AKAP9: variants seen among roughly 807,000 people sequenced by gnomAD.
AKAP9 encodes the protein A-kinase anchoring protein 9.
In AKAP9, 311 loss-of-function variants were observed where a neutral mutation model predicts 488.5. The observed-to-expected ratio is 0.64, with a 90% CI of 0.58 to 0.70. The LOEUF (loss-of-function observed/expected upper bound fraction) is 0.70, where lower values mean the gene tolerates loss of function less well. Among genes scored for constraint, AKAP9 ranks in the 30% least tolerant of loss-of-function variants. The pLI, the probability that AKAP9 is intolerant of heterozygous loss-of-function variation, is 0.00. For synonymous variants in AKAP9, 1,462 were observed against 1,483.5 expected, an observed-to-expected ratio of 0.99 and a Z score of 0.33; for missense variants, 4,215 against 4,374.5, an observed-to-expected ratio of 0.96 and a Z score of 1.03.
At chr7:92,064,194 G>A (rs1446000050) in intron 24 of AKAP9, among the ~76,000 whole-genome samples, 4 of 151,988 alleles carry the variant, frequency 2.6e-5, no homozygotes, top group Non-Finnish European at 4.4e-5. Flanking sequence ...GTAGCAAAAG[G>A]ATCAGTGAAA....
At chr7:92,081,767 C>T (rs1036804459) in intron 31 of AKAP9, among the ~76,000 whole-genome samples, 1 of 151,608 alleles carries the variant, frequency 6.6e-6, no homozygotes, top group South Asian at 2.1e-4. Context: ...AGGACAAGAG[C>T]TTTTTTTTCC....
Position 91,994,742 on chromosome 7 carries a change from AAC to A in AKAP9, c.700_701del (p.Gln234GlufsTer14), listed in dbSNP as rs1388047336. On this transcript the variant is annotated frameshift_variant, in exon 6 of 50. Coordinates refer to ENST00000356239, the MANE Select transcript of AKAP9 (RefSeq NM_005751.5). LOFTEE classifies it high-confidence loss of function. ...ATGAGAGAATTTTTAGAGTTGACAG[AAC>A]AGAGTCAAAAATTACAGATTCAATT... 1.2e-6 allele frequency: 2 copies of A among 1,612,114 alleles called. No individual in the cohort carries two copies. Among genetic ancestry groups the A allele is most frequent in the African/African-American group, 1.3e-5 (1 of 74,902 alleles).
intron 1 of AKAP9, among the ~76,000 whole-genome samples, chr7:91,943,358 CAAA>C (rs1276083315): frequency 6.6e-6 from 1 of 152,148 alleles, no homozygotes; most frequent in African/African-American, 2.4e-5. Flanking sequence ...AGGGCATTAT[CAAA>C]AATAGTATGT....
chr7:92,069,935 G>T, intron 26 of AKAP9, 95 bp from the exon 27 acceptor site: 5 of 1,118,044 alleles, frequency 4.5e-6, no homozygotes, highest in Non-Finnish European at 6.5e-6. Context: ...GAGCATTTTG[G>T]ATTGTAGATA....
intron 2 of AKAP9, among the ~76,000 whole-genome samples, chr7:91,978,835 C>G (rs1796027926): frequency 6.6e-6 from 1 of 151,706 alleles, no homozygotes; most frequent in African/African-American, 2.4e-5. Flanking sequence ...TGGTTCACCA[C>G]AAGCTCTCCC....
chr7:92,027,624 CCG>C (rs1803514834), intron 14 of AKAP9, among the ~76,000 whole-genome samples: 3 of 122,418 alleles, frequency 2.5e-5, no homozygotes, highest in African/African-American at 9.8e-5. Flanking sequence ...CCTGGCCGCC[CCG>C]TCTGGGATGT....
intron 8 of AKAP9, among the ~76,000 whole-genome samples, chr7:92,009,145 GC>G (rs769281381): frequency 4.6e-4 from 70 of 151,922 alleles, no homozygotes; most frequent in Non-Finnish European, 8.8e-4. Flanking sequence ...ATAGCAAGAT[GC>G]CTGTCTCCAC....
chr7:92,008,989 A>AG (rs1230858557), intron 8 of AKAP9, among the ~76,000 whole-genome samples: 1 of 151,652 alleles, frequency 6.6e-6, no homozygotes, highest in African/African-American at 2.4e-5. Flanking sequence ...CATTTAAAAA[A>AG]AAAAAAAAAA....
chr7:91,972,033 A>T (rs1018336749), intron 1 of AKAP9, among the ~76,000 whole-genome samples: 1 of 128,362 alleles, frequency 7.8e-6, no homozygotes, highest in South Asian at 2.3e-4. Flanking sequence ...TTTCAGTACT[A>T]CATAATATAA....
rs77447750 is a variant in AKAP9 at position 92,110,149 on chromosome 7, T to C, written c.11714T>C (p.Met3905Thr). 1.8e-4 allele frequency: 283 copies of C among 1,601,360 alleles called. No homozygotes were observed. The East Asian group carries it at 4.7e-3, about 27-fold the overall frequency. ...TCAACTACTCAATTTCATGCTGGCA[T>C]GAGAAGATAATCCTTTGAAACATCA... is the stretch of plus-strand genomic sequence containing the variant. ...SGSTTQFHAG[M>T]RR Residue 3905 changes from methionine (M) to threonine (T), a missense_variant, in exon 50 of 50, where the codon ATG (methionine) becomes ACG (threonine). Met to Thr is a moderately conservative substitution (Grantham distance 81, BLOSUM62 -1). Coordinates refer to ENST00000356239, the MANE Select transcript of AKAP9 (RefSeq NM_005751.5).
At chr7:92,072,832 T>C (rs1277111002) in intron 28 of AKAP9, among the ~76,000 whole-genome samples, 1 of 152,204 alleles carries the variant, frequency 6.6e-6, no homozygotes, top group East Asian at 1.9e-4. Flanking sequence ...GTACTAAGTA[T>C]TTAAATGCCC....
At chr7:92,052,620 A>C in intron 21 of AKAP9, 106 bp from the exon 22 acceptor site, 1 of 759,390 alleles carries the variant, frequency 1.3e-6, no homozygotes, top group South Asian at 1.9e-5. Flanking sequence ...GTTTTAAAAG[A>C]CCTTACAATT....
intron 7 of AKAP9, among the ~76,000 whole-genome samples, chr7:91,996,919 G>A (rs116825570): frequency 5.1e-4 from 77 of 152,196 alleles, no homozygotes; most frequent in African/African-American, 1.8e-3. Context: ...CATCACCATA[G>A]GCCTGTGCAA....
In AKAP9 at chr7:91,973,803, T is replaced by C. The variant is rs1447616097; in HGVS notation, c.141T>C (p.His47=). 1 of 1,614,124 alleles carries C rather than the reference T, an allele frequency of 6.2e-7. No homozygotes were observed. Among genetic ancestry groups the C allele is most frequent in the South Asian group, 1.1e-5 (1 of 91,070 alleles). Residue 47 remains histidine (H), a synonymous_variant, in exon 2 of 50, where the codon CAT becomes CAC. Coordinates refer to ENST00000356239, the MANE Select transcript of AKAP9 (RefSeq NM_005751.5). ...KKKRKTSSSK[H]DVSAHHDLNI... ...AGAGAAAAACGTCAAGCAGTAAACATGATGTGTCAGCACACCATGATTTGA... is the reference window on the plus strand; with the variant it reads ...AGAGAAAAACGTCAAGCAGTAAACACGATGTGTCAGCACACCATGATTTGA...
At chr7:91,983,160 G>T (rs768494669) in intron 3 of AKAP9, among the ~76,000 whole-genome samples, 4 of 151,758 alleles carry the variant, frequency 2.6e-5, no homozygotes, top group African/African-American at 9.7e-5. Flanking sequence ...CCATTAACTC[G>T]TCATTTCATT....
chr7:92,109,269 C>A (rs890643073), intron 49 of AKAP9, among the ~76,000 whole-genome samples: 1 of 152,044 alleles, frequency 6.6e-6, no homozygotes, highest in African/African-American at 2.4e-5. Flanking sequence ...AGGTGGATTC[C>A]CTGTTCATGG....
At chr7:92,046,003 T>G (rs1430873613) in intron 21 of AKAP9, among the ~76,000 whole-genome samples, 6 of 151,824 alleles carry the variant, frequency 4.0e-5, no homozygotes, top group Non-Finnish European at 8.8e-5. Context: ...CCAGCTAATT[T>G]TTGTATTTTT....
At chr7:91,999,431 G>T (rs1798854573) in intron 7 of AKAP9, among the ~76,000 whole-genome samples, 1 of 152,122 alleles carries the variant, frequency 6.6e-6, no homozygotes, top group Admixed American at 6.5e-5. Flanking sequence ...TCACCATGAG[G>T]CTAATGTTTA....
chr7:92,094,374 A>C (rs1374845705), intron 39 of AKAP9, among the ~76,000 whole-genome samples: 1 of 151,534 alleles, frequency 6.6e-6, no homozygotes, highest in Non-Finnish European at 1.5e-5. Context: ...TCTACTAAAA[A>C]TACAAAAAAT....
Sources: allele counts gnomAD v4.1 joint callset (sites outside exome capture counted in the v4.1 genomes callset), GRCh38; gene constraint gnomAD v4.1.1; transcripts MANE v1.5; gene names NCBI Gene and HGNC (gene_info 2026-07-23, HGNC 2026-07-21).